Variants in STK32B observed in about 807,000 individuals in gnomAD.
STK32B encodes the protein serine/threonine kinase 32B.
STK32B carries 43 observed loss-of-function variants against 52.6 expected under a neutral mutation model. That is an observed-to-expected ratio of 0.82 (90% CI 0.64 to 1.05). The LOEUF (loss-of-function observed/expected upper bound fraction) is 1.05, where lower values mean the gene tolerates loss of function less well. STK32B is among the 50% of genes least tolerant of loss of function. The pLI is 0.00. For missense variants in STK32B, 621 were observed against 534.6 expected (o/e 1.16, Z -1.59); for synonymous variants, 238 against 204.3 (o/e 1.17, Z -1.41).
chr4:5,410,330 T>G (rs1711566227), intron 5 of STK32B, among the ~76,000 whole-genome samples: 1 of 151,712 alleles, frequency 6.6e-6, no homozygotes, highest in African/African-American at 2.4e-5. Context: ...GTAAACCAGC[T>G]GAGATGGGGA....
At chr4:5,223,407 G>A (rs192304021) in intron 3 of STK32B, among the ~76,000 whole-genome samples, 385 of 152,254 alleles carry the variant, frequency 2.5e-3, no homozygotes, top group Non-Finnish European at 4.0e-3. Flanking sequence ...GGCAGCCTGC[G>A]AGAGCTGTAG....
intron 7 of STK32B, among the ~76,000 whole-genome samples, chr4:5,447,869 C>T (rs956039843): frequency 3.3e-4 from 51 of 152,294 alleles, no homozygotes; most frequent in Non-Finnish European, 8.8e-5. Flanking sequence ...AGCACCAGTG[C>T]CCAGCACAGA....
At chr4:5,313,816 C>T (rs1374564568) in intron 3 of STK32B, among the ~76,000 whole-genome samples, 1 of 152,012 alleles carries the variant, frequency 6.6e-6, no homozygotes, top group Admixed American at 6.5e-5. Flanking sequence ...TGGAAAGCAA[C>T]AATTTAGAAA....
chr4:5,306,862 T>G (rs1400718040), intron 3 of STK32B, among the ~76,000 whole-genome samples: 1 of 152,216 alleles, frequency 6.6e-6, no homozygotes, highest in African/African-American at 2.4e-5. Flanking sequence ...AGCATTTGTT[T>G]GTCTGAAAAA....
intron 1 of STK32B, among the ~76,000 whole-genome samples, chr4:5,112,044 C>T (rs1235899618): frequency 6.6e-6 from 1 of 152,178 alleles, no homozygotes; most frequent in Non-Finnish European, 1.5e-5. Context: ...TATTGGCCCA[C>T]CCATGCCCAT....
chr4:5,312,441 C>A (rs998766289), intron 3 of STK32B, among the ~76,000 whole-genome samples: 1 of 149,992 alleles, frequency 6.7e-6, no homozygotes, highest in Non-Finnish European at 1.5e-5. Flanking sequence ...TCCCCCCTCC[C>A]CACACCCCAC....
chr4:5,476,584 C>T (rs1718259776), intron 11 of STK32B, among the ~76,000 whole-genome samples: 2 of 151,960 alleles, frequency 1.3e-5, no homozygotes, highest in South Asian at 4.2e-4. Context: ...TTAGACTCTG[C>T]CTGAGAACCC....
intron 6 of STK32B, among the ~76,000 whole-genome samples, chr4:5,427,750 C>A (rs4017774): frequency 6.6e-6 from 1 of 151,954 alleles, no homozygotes; most frequent in East Asian, 1.9e-4. Flanking sequence ...GTGATGTCCC[C>A]TCTTTCAGTC....
At chr4:5,371,707 A>G (rs1268249489) in intron 4 of STK32B, among the ~76,000 whole-genome samples, 1 of 152,220 alleles carries the variant, frequency 6.6e-6, no homozygotes, top group Admixed American at 6.5e-5. Flanking sequence ...GTCTTTGTCA[A>G]AATTACTCAA....
At chr4:5,476,023 TA>T (rs1718209754) in intron 11 of STK32B, among the ~76,000 whole-genome samples, 1 of 151,988 alleles carries the variant, frequency 6.6e-6, no homozygotes, top group South Asian at 2.1e-4. Context: ...GCCTCCCAAG[TA>T]GCTGGGATTA....
At chr4:5,154,855 C>T (rs570107114) in intron 2 of STK32B, among the ~76,000 whole-genome samples, 1 of 152,326 alleles carries the variant, frequency 6.6e-6, no homozygotes, top group South Asian at 2.1e-4. Context: ...GGGAAGAGGA[C>T]AGCAACTCTT....
the STK32B span, among the ~76,000 whole-genome samples, chr4:5,025,427 C>T: frequency 5.9e-5 from 9 of 152,134 alleles, no homozygotes; most frequent in Non-Finnish European, 1.3e-4. Flanking sequence ...ATTTTTGGCT[C>T]TTGCTTTAAC....
rs765981018 is a variant in STK32B at position 5,229,166 on chromosome 4, T to TA, written c.260+60726dup. The stretch of plus-strand genomic sequence containing the variant: ...AGGGTTGCCAGATACTTTCAATTTG[T>TA]AAAAAAAAAATGCAATATCTGCAAA... On this transcript the variant is annotated intron_variant, in intron 3 of 11. Transcript: ENST00000282908. Among the ~76,000 whole-genome samples the TA allele has an allele frequency of 4.0e-3, 581 of 146,686 alleles. 6 individuals are homozygous for TA. The highest frequency in any genetic ancestry group is 0.012 in the African/African-American group (479 of 40,258).
chr4:5,258,337 G>A (rs1663067546), intron 3 of STK32B, among the ~76,000 whole-genome samples: 1 of 152,124 alleles, frequency 6.6e-6, no homozygotes, highest in South Asian at 2.1e-4. Flanking sequence ...TGCCTCATAG[G>A]TTTGGAGACA....
intron 2 of STK32B, among the ~76,000 whole-genome samples, chr4:5,165,922 C>T (rs1718835216): frequency 6.6e-6 from 1 of 152,170 alleles, no homozygotes; most frequent in Non-Finnish European, 1.5e-5. Flanking sequence ...TCCCTCAGTG[C>T]CGCCTGGCAC....
At position 5,211,760 on chromosome 4, in the gene STK32B, A is replaced by C. The variant is rs773390644; in HGVS notation, c.260+43310A>C. Among the ~76,000 whole-genome samples, 31 of 152,334 alleles carry C rather than the reference A, an allele frequency of 2.0e-4. No homozygotes were observed. The Middle Eastern group carries it at 0.014, about 67-fold the overall frequency. On this transcript the variant is annotated intron_variant, in intron 3 of 11. Coordinates refer to ENST00000282908, the MANE Select transcript of STK32B (RefSeq NM_018401.3). ...ACAAGCAAACAAACAATCTTGCTTCACAGAGTAAAATGCACATTTGTTCAT... is the reference window on the plus strand; with the variant it reads ...ACAAGCAAACAAACAATCTTGCTTCCCAGAGTAAAATGCACATTTGTTCAT...
At chr4:5,177,631 G>A (rs1017181060) in intron 3 of STK32B, among the ~76,000 whole-genome samples, 1 of 152,162 alleles carries the variant, frequency 6.6e-6, no homozygotes, top group African/African-American at 2.4e-5. Context: ...TTCCACCTAT[G>A]AGCCTGTAAA....
intron 3 of STK32B, among the ~76,000 whole-genome samples, chr4:5,280,643 C>G (rs1341777451): frequency 1.3e-5 from 2 of 152,154 alleles, no homozygotes; most frequent in Non-Finnish European, 2.9e-5. Flanking sequence ...GCCTGTAATT[C>G]TAGCACTTTG....
intron 1 of STK32B, among the ~76,000 whole-genome samples, chr4:5,065,521 T>C (rs1166991581): frequency 6.6e-6 from 1 of 151,974 alleles, no homozygotes; most frequent in Admixed American, 6.6e-5. Flanking sequence ...ACATGGAAAA[T>C]ACACTGGAAG....
Sources: gnomAD v4.1 joint callset for allele counts (sites outside exome capture counted in the v4.1 genomes callset) on GRCh38, gnomAD v4.1.1 for gene constraint, MANE v1.5 for transcripts, NCBI Gene and HGNC (gene_info 2026-07-23, HGNC 2026-07-21) for gene names.